The following AGTPBP1 variants were observed in gnomAD, a reference collection of about 807,000 sequenced individuals.
The protein encoded by AGTPBP1 is cytosolic carboxypeptidase 1.
AGTPBP1 carries 70 observed loss-of-function variants against 143.9 expected under a neutral mutation model. That is an observed-to-expected ratio of 0.49 (90% confidence interval 0.40 to 0.59). AGTPBP1 has a LOEUF of 0.59. AGTPBP1 is among the 20% of genes least tolerant of loss of function. The probability of loss-of-function intolerance (pLI) is 0.00; values close to 1 mark genes in which losing one functional copy is unlikely to be tolerated. For missense variants in AGTPBP1, 1,229 were observed against 1,464.5 expected, an observed-to-expected ratio of 0.84 and a Z score of 2.62; for synonymous variants, 463 against 500.2, an observed-to-expected ratio of 0.93 and a Z score of 0.99.
chr9:85,549,019 T>C (rs1015081842), intron 25 of AGTPBP1, among the ~76,000 whole-genome samples: 8 of 152,176 alleles, frequency 5.3e-5, no homozygotes, highest in Admixed American at 3.9e-4. Context: ...TTTTGAAATA[T>C]AATAATTCAT....
chr9:85,645,672 C>A (rs1040415565), intron 12 of AGTPBP1, among the ~76,000 whole-genome samples: 3 of 151,920 alleles, frequency 2.0e-5, no homozygotes, highest in African/African-American at 4.8e-5. Context: ...ATAAAAAAAA[C>A]CCAGCAATAG....
intron 25 of AGTPBP1, among the ~76,000 whole-genome samples, chr9:85,563,747 G>T (rs979288125): frequency 5.3e-5 from 8 of 152,116 alleles, no homozygotes; most frequent in African/African-American, 1.7e-4. Context: ...GACAAGAAAA[G>T]AACGACCACC....
intron 13 of AGTPBP1, among the ~76,000 whole-genome samples, chr9:85,635,934 C>T (rs543963314): frequency 2.6e-5 from 4 of 152,132 alleles, no homozygotes; most frequent in African/African-American, 7.2e-5. Context: ...TATTAAAAAC[C>T]GGCCATCAAA....
the AGTPBP1 span, among the ~76,000 whole-genome samples, chr9:85,801,666 C>T: frequency 1.3e-5 from 2 of 152,052 alleles, no homozygotes; most frequent in Non-Finnish European, 2.9e-5. Flanking sequence ...CAGTTACCAT[C>T]GTAATTTGAG....
intron 1 of AGTPBP1, among the ~76,000 whole-genome samples, chr9:85,714,127 G>A (rs1161511966): frequency 6.6e-6 from 1 of 152,222 alleles, no homozygotes; most frequent in Non-Finnish European, 1.5e-5. Flanking sequence ...ATTTGAACTT[G>A]CAGTTCACAG....
chr9:85,683,473 T>C (rs1242641271), intron 3 of AGTPBP1, among the ~76,000 whole-genome samples: 15 of 152,194 alleles, frequency 9.9e-5, no homozygotes, highest in Admixed American at 9.8e-4. Context: ...ACTATCTTCC[T>C]TTGAAGACAG....
At chr9:85,698,637 T>C (rs1322299495) in intron 2 of AGTPBP1, among the ~76,000 whole-genome samples, 1 of 130,614 alleles carries the variant, frequency 7.7e-6, no homozygotes, top group East Asian at 2.7e-4. Context: ...GAATGTTAAA[T>C]AAAGACACTT....
At chr9:85,762,261 C>T in the AGTPBP1 span, among the ~76,000 whole-genome samples, 1 of 152,020 alleles carries the variant, frequency 6.6e-6, no homozygotes, top group East Asian at 1.9e-4. Flanking sequence ...CCCAGCCATC[C>T]CATTACTGGG....
At chr9:85,621,991 C>T (rs1830966803) in intron 14 of AGTPBP1, among the ~76,000 whole-genome samples, 1 of 152,130 alleles carries the variant, frequency 6.6e-6, no homozygotes. Context: ...CAATAATCAC[C>T]AAACTGTGTC....
At chr9:85,780,267 ATAT>A in the AGTPBP1 span, among the ~76,000 whole-genome samples, 2 of 148,562 alleles carry the variant, frequency 1.3e-5, no homozygotes, top group Admixed American at 1.4e-4. Context: ...ATTAATGAAA[ATAT>A]TAATAAAGTT....
intron 11 of AGTPBP1, among the ~76,000 whole-genome samples, chr9:85,651,654 C>A (rs930628203): frequency 1.3e-5 from 2 of 152,074 alleles, no homozygotes; most frequent in Non-Finnish European, 2.9e-5. Context: ...AAGGGAATAC[C>A]TGGATAATAT....
chr9:85,573,215 T>G (rs1483321410), intron 25 of AGTPBP1, among the ~76,000 whole-genome samples: 1 of 148,178 alleles, frequency 6.7e-6, no homozygotes, highest in Admixed American at 6.7e-5. Context: ...CTGACTCTCC[T>G]GCCTCAGCCT....
At chr9:85,758,992 T>C in the AGTPBP1 span, among the ~76,000 whole-genome samples, 1 of 152,172 alleles carries the variant, frequency 6.6e-6, no homozygotes, top group South Asian at 2.1e-4. Flanking sequence ...TAAAACAGAC[T>C]TTAAACTAAC....
chr9:85,701,312 C>T (rs911164999), intron 2 of AGTPBP1, among the ~76,000 whole-genome samples: 1 of 151,696 alleles, frequency 6.6e-6, no homozygotes, highest in African/African-American at 2.4e-5. Context: ...TCACTGCAAC[C>T]TCTGCTTCCC....
chr9:85,689,925 A>AAAAAAAAAAATATATATATAT, intron 3 of AGTPBP1, among the ~76,000 whole-genome samples: 1 of 72,498 alleles, frequency 1.4e-5, no homozygotes, highest in Non-Finnish European at 2.4e-5. Flanking sequence ...AAAAAAAAAA[A>AAAAAAAAAAATATATATATAT]ATATATATAT....
chr9:85,725,425 T>C (rs543003135), intron 1 of AGTPBP1, among the ~76,000 whole-genome samples: 59 of 152,232 alleles, frequency 3.9e-4, no homozygotes, highest in Non-Finnish European at 7.2e-4. Context: ...AGTAAAACCA[T>C]GTTTATTGAG....
chr9:85,670,749 C>T (rs1834428997), intron 7 of AGTPBP1, among the ~76,000 whole-genome samples: 1 of 152,136 alleles, frequency 6.6e-6, no homozygotes, highest in Non-Finnish European at 1.5e-5. Flanking sequence ...AAGCCATCTG[C>T]TAGCCTTCTA....
At chr9:85,695,509 G>C (rs1434917812) in intron 2 of AGTPBP1, among the ~76,000 whole-genome samples, 1 of 152,180 alleles carries the variant, frequency 6.6e-6, no homozygotes, top group Non-Finnish European at 1.5e-5. Flanking sequence ...GCAATGATGG[G>C]TACAGAGTTG....
chr9:85,781,288 A>G, the AGTPBP1 span: 27 of 1,563,660 alleles, frequency 1.7e-5, no homozygotes, highest in South Asian at 2.9e-4. Flanking sequence ...TTTCTATAAG[A>G]AAACCAGCCG....
Sources: allele counts gnomAD v4.1 joint callset (sites outside exome capture counted in the v4.1 genomes callset), GRCh38; gene constraint gnomAD v4.1.1; transcripts MANE v1.5; gene names NCBI Gene and HGNC (gene_info 2026-07-23, HGNC 2026-07-21).